The following TTLL4 variants were observed in gnomAD, a reference collection of about 807,000 sequenced individuals.
TTLL4 encodes the protein tubulin tyrosine ligase like 4, also known as tubulin monoglutamylase TTLL4.
A neutral mutation model predicts 122.7 loss-of-function variants in TTLL4; 85 were observed. The ratio of observed to expected loss-of-function variants is 0.69; its 90% CI spans 0.58 to 0.83. The LOEUF (loss-of-function observed/expected upper bound fraction) is 0.83. TTLL4 is among the 40% of genes least tolerant of loss of function. The pLI is 0.00. For synonymous variants in TTLL4, 553 were observed against 563.0 expected (o/e 0.98, Z 0.25); for missense variants, 1,363 against 1,488.6 (o/e 0.92, Z 1.39).
rs752828881 is a variant in TTLL4, at chr2:218,753,179, T to C, written c.3252T>C (p.Ala1084=). 1.2e-6 allele frequency: 2 copies of C among 1,614,038 alleles called. No homozygotes were observed. The highest frequency in any genetic ancestry group is 4.5e-5 in the East Asian group (2 of 44,884). ...ACATGGGAGTTGTCTCTGATTCTGC[T>C]CCAGTGGTGAGTGCTGCCAGTGTGG... is the stretch of plus-strand genomic sequence containing the variant. ...GFHMGVVSDS[A]PVWSLPTSLL... Residue 1084 remains alanine, a synonymous_variant, in exon 18 of 20, where the codon GCT becomes GCC. Coordinates refer to ENST00000392102, the MANE Select transcript of TTLL4 (RefSeq NM_014640.5).
At chr2:218,725,930 A>G (rs1315192725) in intron 1 of TTLL4, among the ~76,000 whole-genome samples, 3 of 152,190 alleles carry the variant, frequency 2.0e-5, no homozygotes, top group Non-Finnish European at 2.9e-5. Flanking sequence ...GCTTCATACT[A>G]GAGTTATGAT....
chr2:218,712,259 G>C (rs2106379073), intron 1 of TTLL4, among the ~76,000 whole-genome samples: 1 of 152,332 alleles, frequency 6.6e-6, no homozygotes, highest in East Asian at 1.9e-4. Context: ...ATGTTTTGCT[G>C]AGTTAGAACT....
chr2:218,759,282 G>T (rs1259747772), downstream of TTLL4, among the ~76,000 whole-genome samples: 3 of 152,026 alleles, frequency 2.0e-5, no homozygotes, highest in East Asian at 3.9e-4. Context: ...AGGTGCTGTG[G>T]CTCACGCCTG....
intron 5 of TTLL4, 100 bp downstream of exon 5, chr2:218,740,684 C>G: frequency 3.6e-6 from 5 of 1,405,546 alleles, no homozygotes; most frequent in Non-Finnish European, 5.0e-6. Context: ...CTGGAGAACT[C>G]TAATGCATTT....
At chr2:218,753,446 T>G in intron 18 of TTLL4, 138 bp from the exon 19 acceptor site, 1 of 933,804 alleles carries the variant, frequency 1.1e-6, no homozygotes, top group Non-Finnish European at 1.7e-6. Flanking sequence ...TTTACCCACC[T>G]GGGCCCATGC....
chr2:218,720,245 TGAGA>T (rs1170608299), intron 1 of TTLL4, among the ~76,000 whole-genome samples: 1 of 151,972 alleles, frequency 6.6e-6, no homozygotes, highest in Non-Finnish European at 1.5e-5. Context: ...GTTGACATTG[TGAGA>T]GAGATTGATT....
At chr2:218,758,895 C>T (rs552845812), downstream of TTLL4, among the ~76,000 whole-genome samples, 1 of 152,318 alleles carries the variant, frequency 6.6e-6, no homozygotes, top group East Asian at 1.9e-4. Context: ...GTCCAACAAT[C>T]AGTGAATTAA....
intron 1 of TTLL4, among the ~76,000 whole-genome samples, chr2:218,716,928 C>CA (rs757892057): frequency 6.6e-6 from 1 of 152,184 alleles, no homozygotes; most frequent in Non-Finnish European, 1.5e-5. Flanking sequence ...CAGTTTTACT[C>CA]ATTATTGCTT....
At chr2:218,711,680 A>G (rs1941711104) in intron 1 of TTLL4, among the ~76,000 whole-genome samples, 1 of 152,068 alleles carries the variant, frequency 6.6e-6, no homozygotes, top group African/African-American at 2.4e-5. Flanking sequence ...AGTCTAGGAG[A>G]TTATTAATCA....
intron 2 of TTLL4, among the ~76,000 whole-genome samples, chr2:218,736,627 T>G (rs1375387380): frequency 6.6e-6 from 1 of 152,166 alleles, no homozygotes; most frequent in Non-Finnish European, 1.5e-5. Flanking sequence ...TAGTTCAATT[T>G]CCTTTCTTCT....
chr2:218,747,664 TC>T lies in TTLL4; in HGVS notation c.2319del (p.Tyr774ThrfsTer25). 6.2e-7 allele frequency: 1 copy of T among 1,614,228 alleles called. No individual in the cohort carries two copies. Among genetic ancestry groups the T allele is most frequent in the Non-Finnish European group, 8.5e-7 (1 of 1,180,044 alleles). On this transcript the variant is annotated frameshift_variant, in exon 11 of 20. Transcript: ENST00000392102. LOFTEE classifies it high-confidence loss of function. This position sits in a 1 kb window ranked among gnomAD's most constrained non-coding sequence, Gnocchi z 4.7. Reference sequence around the variant, plus strand: ...CCTGCGGATCTATGTTTATGTCACTTCCTACGATCCTCTGCGGATTTACCTC... The same window carrying T: ...CCTGCGGATCTATGTTTATGTCACTTCTACGATCCTCTGCGGATTTACCTC... ...FDLRIYVYVT[S>X]YDPLRIYLFS...
chr2:218,758,121 GA>G (rs1943186367), downstream of TTLL4, among the ~76,000 whole-genome samples: 3 of 152,174 alleles, frequency 2.0e-5, no homozygotes, highest in Admixed American at 6.5e-5. Flanking sequence ...TTGGATCAGT[GA>G]AAGTTGCAAG....
intron 2 of TTLL4, among the ~76,000 whole-genome samples, chr2:218,731,130 G>T (rs1942369715): frequency 6.6e-6 from 1 of 151,704 alleles, no homozygotes; most frequent in East Asian, 1.9e-4. Context: ...AAAAGAATTG[G>T]CTGGGCACGG....
In TTLL4 at chr2:218,727,270, T is replaced by G. The variant is rs1380836117; in HGVS notation, c.-176T>G. 6.6e-6 allele frequency: 1 copy of G among 152,244 alleles called. No homozygotes were observed. Among genetic ancestry groups the G allele is most frequent in the African/African-American group, 2.4e-5 (1 of 41,452 alleles). The allele number at this position is 152,244 out of a possible 1,614,324, so 9.4% of individuals were successfully genotyped here. ...TTTTTCTCCTTTGTGTATTTTCAGA[T>G]AGACTGTCTTCAAGCTCACTGATAT... On this transcript the variant is annotated splice_region_variant and 5_prime_UTR_variant, in exon 2 of 20. Coordinates refer to ENST00000392102, the MANE Select transcript of TTLL4 (RefSeq NM_014640.5).
At chr2:218,736,413 G>A (rs772129636) in intron 2 of TTLL4, 1 of 152,174 alleles carries the variant, frequency 6.6e-6, no homozygotes, top group Non-Finnish European at 1.5e-5. Flanking sequence ...GACCCAGAAG[G>A]CTGGCTTACA....
intron 2 of TTLL4, among the ~76,000 whole-genome samples, chr2:218,730,568 G>T (rs1013658032): frequency 6.6e-6 from 1 of 151,992 alleles, no homozygotes; most frequent in African/African-American, 2.4e-5. Context: ...GGACATCCTT[G>T]TCTTATTCCT....
In TTLL4 at chr2:218,730,311, C is replaced by CAAAAAAAAAAAAAAAAAAAA. The variant is rs548186206; in HGVS notation, c.-99+2983_-99+3002dup. Among the ~76,000 whole-genome samples, 48 of 14,300 alleles carry CAAAAAAAAAAAAAAAAAAAA rather than the reference C, an allele frequency of 3.4e-3. 13 individuals are homozygous for CAAAAAAAAAAAAAAAAAAAA. Among genetic ancestry groups the CAAAAAAAAAAAAAAAAAAAA allele is most frequent in the African/African-American group, 4.0e-3 (13 of 3,250 alleles). 9.4% of individuals were successfully genotyped at this position (14,300 alleles called of 152,430 possible). A position where few individuals can be genotyped will look rare whatever the true frequency, so the allele number is the denominator to read the frequency against. On this transcript the variant is annotated intron_variant, in intron 2 of 19. Transcript: ENST00000392102. ...TGAAACCCCATCTTTACTAAAAATCCAAAAAAAAAAAAAAAAAAAAAAAAA... is the reference window on the plus strand; with the variant it reads ...TGAAACCCCATCTTTACTAAAAATCCAAAAAAAAAAAAAAAAAAAAAAAAAAAAAAAAAAAAAAAAAAAAA...
intron 2 of TTLL4, among the ~76,000 whole-genome samples, chr2:218,730,622 T>C (rs1449163585): frequency 1.3e-5 from 2 of 152,250 alleles, no homozygotes; most frequent in Non-Finnish European, 2.9e-5. Context: ...TTAAGTATGA[T>C]GTTAGCTGTA....
intron 1 of TTLL4, among the ~76,000 whole-genome samples, chr2:218,718,254 G>A (rs1941926222): frequency 6.6e-6 from 1 of 152,236 alleles, no homozygotes; most frequent in African/African-American, 2.4e-5. Flanking sequence ...TCTTGTAGGA[G>A]AGTGATTTAA....
Sources: gnomAD v4.1 joint callset for allele counts (sites outside exome capture counted in the v4.1 genomes callset) on GRCh38, gnomAD v4.1.1 for gene constraint, Gnocchi (gnomAD v3.1) non-coding constraint, MANE v1.5 for transcripts, NCBI Gene and HGNC (gene_info 2026-07-23, HGNC 2026-07-21) for gene names.